Variants in RAB10 observed in about 807,000 individuals in gnomAD.
RAB10 encodes RAB10, member RAS oncogene family.
A neutral mutation model predicts 25.7 loss-of-function variants in RAB10; 5 were observed. The ratio of observed to expected loss-of-function variants is 0.19; its 90% CI spans 0.10 to 0.41. The LOEUF (loss-of-function observed/expected upper bound fraction) is 0.41. RAB10 is among the 10% of genes least tolerant of loss of function. The probability of loss-of-function intolerance (pLI) is 1.00; values close to 1 mark genes in which losing one functional copy is unlikely to be tolerated. For missense variants in RAB10, 103 were observed against 245.8 expected, an observed-to-expected ratio of 0.42 and a Z score of 3.89; for synonymous variants, 89 against 86.4, an observed-to-expected ratio of 1.03 and a Z score of -0.16.
intron 1 of RAB10, among the ~76,000 whole-genome samples, chr2:26,082,463 T>A (rs1666889695): frequency 6.6e-6 from 1 of 152,126 alleles, no homozygotes; most frequent in African/African-American, 2.4e-5. Flanking sequence ...CAGTTTGTCA[T>A]ATATACCTAA....
At chr2:26,102,957 C>G (rs1365672009) in intron 2 of RAB10, among the ~76,000 whole-genome samples, 1 of 152,220 alleles carries the variant, frequency 6.6e-6, no homozygotes, top group African/African-American at 2.4e-5. Flanking sequence ...ATTGTTAGGA[C>G]ATCTTAAAAA....
intron 2 of RAB10, among the ~76,000 whole-genome samples, chr2:26,109,447 G>A (rs935403498): frequency 6.6e-6 from 1 of 152,128 alleles, no homozygotes; most frequent in Non-Finnish European, 1.5e-5. Flanking sequence ...ATGTAAATAT[G>A]ACTGTACTAT....
chr2:26,125,077 C>T (rs1342669869), intron 3 of RAB10, among the ~76,000 whole-genome samples: 2 of 152,108 alleles, frequency 1.3e-5, no homozygotes, highest in Non-Finnish European at 2.9e-5. Context: ...CACTGGTGTA[C>T]AAATATCTGA....
At chr2:26,063,130 G>T (rs1439891759) in intron 1 of RAB10, among the ~76,000 whole-genome samples, 2 of 131,682 alleles carry the variant, frequency 1.5e-5, no homozygotes, top group Non-Finnish European at 3.3e-5. Context: ...AAAAAAAAAA[G>T]AATCAGGAAT....
At chr2:26,106,432 G>A (rs1008805281) in intron 2 of RAB10, among the ~76,000 whole-genome samples, 2 of 152,150 alleles carry the variant, frequency 1.3e-5, no homozygotes, top group Non-Finnish European at 1.5e-5. Context: ...GACACAGATT[G>A]AACTGTGGTA....
rs145159864 is a variant in RAB10, at chr2:26,086,323, C to T, written c.128-12339C>T. 4.6e-3 allele frequency among the ~76,000 whole-genome samples: 703 copies of T among 152,214 alleles called. 3 individuals are homozygous for T. The highest frequency in any genetic ancestry group is 7.0e-3 in the Non-Finnish European group (479 of 68,018). ...GCAAAGGACTTGTGGAGTTCAAAGACGTACAAGTGATCAACAAACACATGG... is the reference window on the plus strand; with the variant it reads ...GCAAAGGACTTGTGGAGTTCAAAGATGTACAAGTGATCAACAAACACATGG... On this transcript the variant is annotated intron_variant, in intron 1 of 5. Transcript: ENST00000264710.
intron 1 of RAB10, among the ~76,000 whole-genome samples, chr2:26,095,812 T>C (rs1033809168): frequency 5.9e-5 from 9 of 152,044 alleles, no homozygotes; most frequent in Admixed American, 4.6e-4. Context: ...CTCAGGAGGC[T>C]GAGGTGGGAG....
At chr2:26,042,322 C>G (rs575707175) in intron 1 of RAB10, among the ~76,000 whole-genome samples, 2 of 152,176 alleles carry the variant, frequency 1.3e-5, no homozygotes, top group South Asian at 4.2e-4. Context: ...TAGGTTGGTT[C>G]CACTAACCTG....
intron 1 of RAB10, among the ~76,000 whole-genome samples, chr2:26,078,029 T>C (rs1666777318): frequency 6.6e-6 from 1 of 152,046 alleles, no homozygotes; most frequent in Non-Finnish European, 1.5e-5. Flanking sequence ...TATACAAAAA[T>C]CAGCTGTACA....
At chr2:26,091,847 G>C (rs1043009190) in intron 1 of RAB10, among the ~76,000 whole-genome samples, 1 of 152,144 alleles carries the variant, frequency 6.6e-6, no homozygotes. Context: ...ATGCAAAAAA[G>C]AGTGAAGAAT....
At chr2:26,087,438 C>T (rs1195358122) in intron 1 of RAB10, among the ~76,000 whole-genome samples, 2 of 152,072 alleles carry the variant, frequency 1.3e-5, no homozygotes, top group South Asian at 2.1e-4. Flanking sequence ...TTTTCGCTCT[C>T]GTTGCCCAGG....
At chr2:26,095,796 C>T (rs1036505873) in intron 1 of RAB10, among the ~76,000 whole-genome samples, 2 of 151,954 alleles carry the variant, frequency 1.3e-5, no homozygotes, top group Non-Finnish European at 2.9e-5. Context: ...CCTGTAGTCC[C>T]AGCTACTCAG....
chr2:26,056,303 A>G (rs987665700), intron 1 of RAB10, among the ~76,000 whole-genome samples: 9 of 152,002 alleles, frequency 5.9e-5, no homozygotes, highest in African/African-American at 1.9e-4. Flanking sequence ...GGTTCAGGCA[A>G]TTCTCCTGCC....
chr2:26,110,105 G>A (rs1207053858), intron 3 of RAB10, among the ~76,000 whole-genome samples, 199 bp downstream of exon 3: 4 of 152,248 alleles, frequency 2.6e-5, no homozygotes, highest in African/African-American at 7.2e-5. Context: ...GGGAGGCTGA[G>A]GTGGGAGGAT....
intron 1 of RAB10, among the ~76,000 whole-genome samples, chr2:26,074,411 T>A (rs1405035853): frequency 6.6e-6 from 1 of 152,124 alleles, no homozygotes; most frequent in Non-Finnish European, 1.5e-5. Context: ...ATTTTATTTT[T>A]TTAATTTTAA....
chr2:26,116,860 T>C (rs1489856626), intron 3 of RAB10, among the ~76,000 whole-genome samples: 1 of 151,792 alleles, frequency 6.6e-6, no homozygotes, highest in Non-Finnish European at 1.5e-5. Context: ...CCGGCCTTTT[T>C]TTTTTTCTTT....
At chr2:26,040,317 G>T (rs1252400856) in intron 1 of RAB10, among the ~76,000 whole-genome samples, 3 of 152,060 alleles carry the variant, frequency 2.0e-5, no homozygotes, top group Admixed American at 2.0e-4. Flanking sequence ...GCGTCTGGCT[G>T]TGTTGTTTTT....
At chr2:26,130,672 C>T (rs1009021059) in intron 5 of RAB10, among the ~76,000 whole-genome samples, 2 of 152,084 alleles carry the variant, frequency 1.3e-5, no homozygotes, top group Non-Finnish European at 2.9e-5. Context: ...AGGTCTTGAA[C>T]TCATGGCCTC....
chr2:26,122,614 C>T (rs938607639), intron 3 of RAB10, among the ~76,000 whole-genome samples: 3 of 147,478 alleles, frequency 2.0e-5, no homozygotes, highest in Admixed American at 6.8e-5. Flanking sequence ...GGCGACAGAG[C>T]GACTCTGTCT....
Sources: gnomAD v4.1 joint callset for allele counts (sites outside exome capture counted in the v4.1 genomes callset) on GRCh38, gnomAD v4.1.1 for gene constraint, MANE v1.5 for transcripts, NCBI Gene and HGNC (gene_info 2026-07-23, HGNC 2026-07-21) for gene names.